Variants in MILR1 observed in about 807,000 individuals in gnomAD.
The protein encoded by MILR1 is allergin-1.
In MILR1, 31 loss-of-function variants were observed where a neutral mutation model predicts 18.5. The ratio of observed to expected loss-of-function variants is 1.68; its 90% CI spans 1.26 to 2.26. The LOEUF is 2.26. Among genes scored for constraint, MILR1 ranks in the 30% most tolerant of loss-of-function variants. The probability of loss-of-function intolerance (pLI) is 0.00; values close to 1 mark genes in which losing one functional copy is unlikely to be tolerated. For missense variants in MILR1, 257 were observed against 157.4 expected, an observed-to-expected ratio of 1.63 and a Z score of -3.38; for synonymous variants, 85 against 56.2, an observed-to-expected ratio of 1.51 and a Z score of -2.30.
the MILR1 span, chr17:64,496,765 C>T: frequency 2.5e-6 from 4 of 1,613,874 alleles, no homozygotes; most frequent in Admixed American, 1.7e-5. Context: ...TCTCTAACAG[C>T]GCCTCGCTTC....
the MILR1 span, among the ~76,000 whole-genome samples, chr17:64,478,885 ACT>A: frequency 6.6e-6 from 1 of 152,044 alleles, no homozygotes; most frequent in Non-Finnish European, 1.5e-5. Flanking sequence ...ACAGTGCGAG[ACT>A]CTGTCTTAAA....
chr17:64,455,610 C>T (rs959991166), intron 3 of MILR1, among the ~76,000 whole-genome samples: 16 of 130,748 alleles, frequency 1.2e-4, no homozygotes, highest in East Asian at 6.9e-4. Context: ...CCTGCCACCA[C>T]GCCTGGCTAA....
At chr17:64,481,408 C>T in the MILR1 span, 1 of 985,370 alleles carries the variant, frequency 1.0e-6, no homozygotes, top group South Asian at 4.7e-5. Flanking sequence ...GGCTGGGTCT[C>T]AATCACCCAG....
At chr17:64,474,721 C>T in the MILR1 span, among the ~76,000 whole-genome samples, 1 of 151,934 alleles carries the variant, frequency 6.6e-6, no homozygotes, top group Non-Finnish European at 1.5e-5. Context: ...TATTTGCTAG[C>T]TCTTAATACT....
intron 2 of MILR1, among the ~76,000 whole-genome samples, chr17:64,451,655 G>C (rs60514833): frequency 5.3e-5 from 8 of 151,644 alleles, no homozygotes; most frequent in African/African-American, 1.7e-4. Context: ...TTTATATGGC[G>C]GGGCACAGTG....
rs901072854 is a variant in MILR1, at chr17:64,453,791, G to C, written c.367+925G>C. Among the ~76,000 whole-genome samples the C allele has an allele frequency of 1.6e-3, 244 of 152,174 alleles. 1 individual carries two copies. The highest frequency in any genetic ancestry group is 5.7e-3 in the African/African-American group (236 of 41,524). ...CCTGTGGGAGGAGAGAAGGCTTCTAGGTAACACATGTATGTTATACCTGGA... is the reference window on the plus strand; with the variant it reads ...CCTGTGGGAGGAGAGAAGGCTTCTACGTAACACATGTATGTTATACCTGGA... On this transcript the variant is annotated intron_variant, in intron 3 of 9. Coordinates refer to ENST00000619286, the MANE Select transcript of MILR1 (RefSeq NM_001085423.2).
chr17:64,455,723 G>T (rs1016040222), intron 3 of MILR1, among the ~76,000 whole-genome samples: 2 of 149,028 alleles, frequency 1.3e-5, no homozygotes, highest in Non-Finnish European at 3.0e-5. Context: ...GCCTCCCAAA[G>T]TGCTCACTCA....
chr17:64,462,996 T>C (rs1170162390), intron 5 of MILR1, among the ~76,000 whole-genome samples: 2 of 152,186 alleles, frequency 1.3e-5, no homozygotes, highest in Non-Finnish European at 2.9e-5. Flanking sequence ...TTCTAGATTT[T>C]CAATGTAGAA....
chr17:64,461,474 C>A (rs2037430950), intron 5 of MILR1, among the ~76,000 whole-genome samples: 1 of 152,062 alleles, frequency 6.6e-6, no homozygotes. Context: ...GTCCCGAACT[C>A]CCAGCCTCAG....
chr17:64,457,092 A>C, intron 3 of MILR1, among the ~76,000 whole-genome samples: 1 of 152,290 alleles, frequency 6.6e-6, no homozygotes, highest in East Asian at 1.9e-4. Context: ...CATTATTAAC[A>C]ATAAATAGAT....
chr17:64,485,668 A>T, the MILR1 span: 1 of 1,314,988 alleles, frequency 7.6e-7, no homozygotes, highest in Non-Finnish European at 1.1e-6. Flanking sequence ...CACTAACATT[A>T]AGAACAAACA....
At chr17:64,460,961 G>A (rs1006259884) in intron 5 of MILR1, 29 bp downstream of exon 5, 21 of 471,286 alleles carry the variant, frequency 4.5e-5, no homozygotes, top group African/African-American at 1.8e-4. Context: ...TTTACCACCC[G>A]TTTTCCCGTG....
At chr17:64,490,497 T>C in the MILR1 span, 10 of 376,448 alleles carry the variant, frequency 2.7e-5, no homozygotes, top group Non-Finnish European at 5.0e-6. Context: ...CAAGAGGAAT[T>C]GTTCATTTGA....
At chr17:64,477,826 T>C in the MILR1 span, 6 of 1,577,972 alleles carry the variant, frequency 3.8e-6, no homozygotes, top group East Asian at 6.8e-5. Flanking sequence ...TAAAAATCTA[T>C]ACATTCTTAG....
chr17:64,481,666 A>G, the MILR1 span, among the ~76,000 whole-genome samples: 3 of 152,138 alleles, frequency 2.0e-5, no homozygotes, highest in Non-Finnish European at 2.9e-5. Context: ...TGAGGTCAGG[A>G]GTTGGAGACC....
chr17:64,469,420 CG>C (rs1420064814), downstream of MILR1, among the ~76,000 whole-genome samples: 1 of 152,002 alleles, frequency 6.6e-6, no homozygotes, highest in Non-Finnish European at 1.5e-5. Context: ...GTTTTGGAGA[CG>C]GAGTCTGGCT....
At chr17:64,454,748 C>G (rs1410786621) in intron 3 of MILR1, among the ~76,000 whole-genome samples, 2 of 152,152 alleles carry the variant, frequency 1.3e-5, no homozygotes, top group Non-Finnish European at 2.9e-5. Flanking sequence ...AATCCCAGCA[C>G]TTTGTGAGGC....
the MILR1 span, among the ~76,000 whole-genome samples, chr17:64,493,492 CT>C: frequency 3.1e-3 from 459 of 148,126 alleles, 2 homozygotes; most frequent in African/African-American, 0.011. Context: ...TGAAGATTTT[CT>C]TTTTTTTTTG....
At chr17:64,465,291 C>A (rs375175834) in intron 5 of MILR1, among the ~76,000 whole-genome samples, 161 bp from the exon 6 acceptor site, 1 of 152,160 alleles carries the variant, frequency 6.6e-6, no homozygotes. Context: ...TCTAGACTCC[C>A]TGTTGAGTCT....
Sources: gnomAD v4.1 joint callset for allele counts (sites outside exome capture counted in the v4.1 genomes callset) on GRCh38, gnomAD v4.1.1 for gene constraint, MANE v1.5 for transcripts, NCBI Gene and HGNC (gene_info 2026-07-23, HGNC 2026-07-21) for gene names.